The following PLCH1 variants were observed in gnomAD, a reference collection of about 807,000 sequenced individuals.
PLCH1 encodes the protein phospholipase C eta 1, also known as 1-phosphatidylinositol 4,5-bisphosphate phosphodiesterase eta-1.
In PLCH1, 60 loss-of-function variants were observed where a neutral mutation model predicts 126.7. That is an observed-to-expected ratio of 0.47 (90% CI 0.38 to 0.59). The LOEUF (loss-of-function observed/expected upper bound fraction) is 0.59. Ranked by LOEUF, PLCH1 falls within the 20% of genes least tolerant of loss-of-function variation. The pLI, the probability that PLCH1 is intolerant of heterozygous loss-of-function variation, is 0.00. For missense variants in PLCH1, 1,723 were observed against 2,040.0 expected, an observed-to-expected ratio of 0.84 and a Z score of 2.99; for synonymous variants, 719 against 734.9, an observed-to-expected ratio of 0.98 and a Z score of 0.35.
intron 10 of PLCH1, among the ~76,000 whole-genome samples, chr3:155,542,166 C>T (rs1018211353): frequency 6.6e-6 from 1 of 152,178 alleles, no homozygotes; most frequent in African/African-American, 2.4e-5. Flanking sequence ...CCTGGAAAAT[C>T]GGGTCACTCC....
chr3:155,652,610 A>C (rs1333425295), intron 2 of PLCH1, among the ~76,000 whole-genome samples: 2 of 152,166 alleles, frequency 1.3e-5, no homozygotes, highest in African/African-American at 2.4e-5. Flanking sequence ...CCATTTATAG[A>C]ATGCTTATTA....
chr3:155,623,715 C>T (rs556520282), intron 2 of PLCH1, among the ~76,000 whole-genome samples: 2 of 152,044 alleles, frequency 1.3e-5, no homozygotes, highest in African/African-American at 2.4e-5. Flanking sequence ...AGGAAGAAGG[C>T]GATTCCCTGA....
chr3:155,519,140 T>C (rs1720734078), intron 11 of PLCH1, among the ~76,000 whole-genome samples: 1 of 152,188 alleles, frequency 6.6e-6, no homozygotes, highest in Admixed American at 6.5e-5. Context: ...CATTCAGCCC[T>C]GGAATCCAAT....
At chr3:155,658,377 T>A (rs939302720) in intron 2 of PLCH1, 1 of 159,828 alleles carries the variant, frequency 6.3e-6, no homozygotes, top group African/African-American at 2.4e-5. Context: ...AAAATTGATA[T>A]CAGCAATGTG....
In PLCH1 at chr3:155,482,879, G is replaced by A. The variant is rs755079377; in HGVS notation, c.3147C>T (p.Gly1049=). ...AHMSVTGEQL[G]MSSPRGGRTT... is the part of the protein sequence containing the mutation. Reference sequence around the variant, plus strand: ...TTCTCCCACCCCTAGGACTTGACATGCCCAGCTGTTCTCCTGTGACTGACA... The same window carrying A: ...TTCTCCCACCCCTAGGACTTGACATACCCAGCTGTTCTCCTGTGACTGACA... The change falls in exon 23 of 23, where the codon GGC becomes GGT. Residue 1049 remains glycine, a synonymous_variant. Coordinates refer to ENST00000460012, the MANE Select transcript of PLCH1 (RefSeq NM_014996.4). 5 of 1,614,150 alleles carry A rather than the reference G, an allele frequency of 3.1e-6. No homozygotes were observed. The highest frequency in any genetic ancestry group is 1.1e-5 in the South Asian group (1 of 91,074).
At chr3:155,592,495 C>CGTCTCCAAAA (rs758599634) in intron 4 of PLCH1, among the ~76,000 whole-genome samples, 3 of 135,924 alleles carry the variant, frequency 2.2e-5, no homozygotes, top group Non-Finnish European at 4.7e-5. Flanking sequence ...ACTCCATCTC[C>CGTCTCCAAAA]AAAAAAAAAA....
chr3:155,528,151 G>GA (rs1560115168), intron 10 of PLCH1, among the ~76,000 whole-genome samples: 1 of 151,008 alleles, frequency 6.6e-6, no homozygotes, highest in Non-Finnish European at 1.5e-5. Context: ...TTGAACCCAG[G>GA]AGGCGGAGGT....
intron 1 of PLCH1, among the ~76,000 whole-genome samples, chr3:155,715,139 C>A (rs919236313): frequency 6.6e-6 from 1 of 152,078 alleles, no homozygotes; most frequent in African/African-American, 2.4e-5. Context: ...TAATATTATT[C>A]ATATAATTTT....
At chr3:155,578,081 T>G (rs1232060821) in intron 6 of PLCH1, among the ~76,000 whole-genome samples, 6 of 152,198 alleles carry the variant, frequency 3.9e-5, no homozygotes. Flanking sequence ...TTTGGACTCC[T>G]GGTCTAATGT....
intron 4 of PLCH1, among the ~76,000 whole-genome samples, chr3:155,590,726 G>C (rs532457856): frequency 6.6e-6 from 1 of 152,258 alleles, no homozygotes; most frequent in East Asian, 1.9e-4. Context: ...CTCCAGCCTG[G>C]GTGACAGAGC....
rs545715957 is a variant in PLCH1, at chr3:155,527,193, T to A, written c.1363-3189A>T. On this transcript the variant is annotated intron_variant, in intron 10 of 22. Coordinates refer to ENST00000460012, the MANE Select transcript of PLCH1 (RefSeq NM_014996.4). Reference sequence around the variant, plus strand: ...CAAACTTTGAGCTCCTCTAAGGGGATCTCTTAAAACATAGGGATGGAGACT... The same window carrying A: ...CAAACTTTGAGCTCCTCTAAGGGGAACTCTTAAAACATAGGGATGGAGACT... Among the ~76,000 whole-genome samples, 4 of 152,284 alleles carry A rather than the reference T, an allele frequency of 2.6e-5. No individual in the cohort carries two copies. In the South Asian group the frequency reaches 8.3e-4, roughly 32 times the overall value.
Position 155,481,004 on chromosome 3 carries a change from A to C in PLCH1, c.5022T>G (p.Asp1674Glu). The C allele has an allele frequency of 8.1e-6, 13 of 1,595,766 alleles. No homozygotes were observed. The highest frequency in any genetic ancestry group is 1.7e-4 in the Middle Eastern group (1 of 5,982). ...AAAGAAAATAAATTTCTGGTTTATC[A>C]TCACTGCTTGGCTCAGTCTGCAAAA... ...NSVLQTEPSS[D>E]DKPEIYFLLR... Residue 1674 changes from aspartate (D) to glutamate (E), a missense_variant, in exon 23 of 23, where the codon GAT (aspartate) becomes GAG (glutamate). This residue lies in a region of PLCH1 where 947 missense variants were observed against 977.1 expected (regional missense o/e 0.97). Coordinates refer to ENST00000460012, the MANE Select transcript of PLCH1 (RefSeq NM_014996.4). The surrounding 1 kb of genome is among the most constrained non-coding windows in gnomAD (Gnocchi z 4.2).
chr3:155,549,134 G>A (rs1725772184), intron 10 of PLCH1, among the ~76,000 whole-genome samples: 4 of 152,188 alleles, frequency 2.6e-5, no homozygotes, highest in Admixed American at 2.6e-4. Context: ...CACAAAGTCA[G>A]TGATCTGAAA....
At chr3:155,699,848 A>ACACACACACACC (rs1491419516) in intron 2 of PLCH1, among the ~76,000 whole-genome samples, 8 of 147,538 alleles carry the variant, frequency 5.4e-5, no homozygotes, top group African/African-American at 2.0e-4. Flanking sequence ...ACACACACAC[A>ACACACACACACC]CCACTACCTC....
intron 6 of PLCH1, among the ~76,000 whole-genome samples, chr3:155,577,703 G>T (rs1276953640): frequency 1.2e-4 from 18 of 152,188 alleles, no homozygotes. Flanking sequence ...CAGAATTCTG[G>T]CTTCTGTTTT....
At chr3:155,687,999 C>T (rs1185877317) in intron 2 of PLCH1, among the ~76,000 whole-genome samples, 2 of 152,162 alleles carry the variant, frequency 1.3e-5, no homozygotes, top group African/African-American at 2.4e-5. Flanking sequence ...GATCTAAATG[C>T]TACATGGATT....
chr3:155,524,220 A>G (rs1447503176), intron 10 of PLCH1, among the ~76,000 whole-genome samples: 2 of 152,260 alleles, frequency 1.3e-5, no homozygotes, highest in African/African-American at 2.4e-5. Flanking sequence ...TAAGCTAGAC[A>G]TAAAAGAAAG....
rs1163762201 is a variant in PLCH1, at chr3:155,565,093, A to G, written c.891T>C (p.Pro297=). The G allele has an allele frequency of 1.2e-6, 2 of 1,613,824 alleles. No individual in the cohort carries two copies. The highest frequency in any genetic ancestry group is 1.7e-6 in the Non-Finnish European group (2 of 1,179,682). The stretch of plus-strand genomic sequence containing the variant: ...GCAATGGGTTAAATATGTCACAGGC[A>G]GGACTACGCATGAAGTTCGTGAAGC... ...IEGFTNFMRS[P]ACDIFNPLHH... Residue 297 remains proline, a synonymous_variant, in exon 8 of 23, where the codon CCT becomes CCC. Transcript: ENST00000460012.
intron 21 of PLCH1, among the ~76,000 whole-genome samples, chr3:155,463,752 A>T (rs1712816718): frequency 6.6e-6 from 1 of 152,242 alleles, no homozygotes; most frequent in African/African-American, 2.4e-5. Context: ...GAGGAAAAAA[A>T]TGGACTGGAT....
Sources: allele counts gnomAD v4.1 joint callset (sites outside exome capture counted in the v4.1 genomes callset), GRCh38; gene constraint gnomAD v4.1.1; regional missense constraint gnomAD v4.1.1; non-coding constraint Gnocchi (gnomAD v3.1); transcripts MANE v1.5; gene names NCBI Gene and HGNC (gene_info 2026-07-23, HGNC 2026-07-21).